ANKRD11: variants seen among roughly 807,000 people sequenced by gnomAD.
ANKRD11 encodes the protein ankyrin repeat domain-containing protein 11.
A neutral mutation model predicts 195.7 loss-of-function variants in ANKRD11; 17 were observed. That is an observed-to-expected ratio of 0.09 (90% CI 0.06 to 0.13). The LOEUF (loss-of-function observed/expected upper bound fraction) is 0.13, where lower values mean the gene tolerates loss of function less well. Ranked by LOEUF, ANKRD11 falls within the 10% of genes least tolerant of loss-of-function variation. The pLI, the probability that ANKRD11 is intolerant of heterozygous loss-of-function variation, is 1.00. For missense variants in ANKRD11, 3,735 were observed against 3,566.1 expected (o/e 1.05, Z -1.21); for synonymous variants, 1,953 against 1,528.1 (o/e 1.28, Z -6.49).
At chr16:89,434,405 G>A (rs372438947) in intron 1 of ANKRD11, among the ~76,000 whole-genome samples, 77 of 152,212 alleles carry the variant, frequency 5.1e-4, no homozygotes, top group African/African-American at 1.7e-3. Context: ...TCTTCTCCAC[G>A]CAAGTCGGAA....
rs2034308616 is a variant in ANKRD11, at chr16:89,282,161, T to C, written c.4381A>G (p.Lys1461Glu). Reference sequence around the variant, plus strand: ...CATTTCTCCCTGTGTTTCTCTCTCTTCTTCTTCTCTTTTAGGATGTTGATG... The same window carrying C: ...CATTTCTCCCTGTGTTTCTCTCTCTCCTTCTTCTCTTTTAGGATGTTGATG... ...SAINILKEKK[K>E]REKHREKWRD... Residue 1461 changes from lysine (K) to glutamate (E), a missense_variant, in exon 9 of 13, where the codon AAG becomes GAG. Physicochemically the swap from Lys to Glu is moderately conservative, Grantham distance 56. Coordinates refer to ENST00000301030, the MANE Select transcript of ANKRD11 (RefSeq NM_013275.6). The C allele has an allele frequency of 6.2e-7, 1 of 1,614,000 alleles. No homozygotes were observed. Among genetic ancestry groups the C allele is most frequent in the Non-Finnish European group, 8.5e-7 (1 of 1,180,002 alleles).
chr16:89,474,460 TAA>T (rs764794916), intron 1 of ANKRD11, among the ~76,000 whole-genome samples: 29 of 142,724 alleles, frequency 2.0e-4, no homozygotes, highest in Admixed American at 2.1e-4. Flanking sequence ...CTACCTTATG[TAA>T]AAAAAAAAAA....
chr16:89,440,023 T>C (rs1206882676), intron 1 of ANKRD11, among the ~76,000 whole-genome samples: 1 of 152,180 alleles, frequency 6.6e-6, no homozygotes, highest in East Asian at 1.9e-4. Flanking sequence ...ACTTGGCTCT[T>C]ATGAGGAAGC....
chr16:89,486,307 G>A (rs8044977), intron 1 of ANKRD11, among the ~76,000 whole-genome samples: 72,130 of 151,668 alleles, frequency 0.48, 17,763 homozygotes, highest in East Asian at 0.66. Context: ...TGGGCACGGC[G>A]GCACATGCCT....
rs1290850810 is a variant in ANKRD11 at position 89,291,290 on chromosome 16, C to G, written c.227-107G>C. ...GGAGCCCCCTGCGTCCACCTGACAG[C>G]TGACAGAGCAGAAAGGAAGGTCTGT... On this transcript the variant is annotated intron_variant, in intron 4 of 12. Transcript: ENST00000301030. The surrounding 1 kb of genome is among the most constrained non-coding windows in gnomAD (Gnocchi z 5.3). The G allele has an allele frequency of 7.2e-7, 1 of 1,386,506 alleles. No individual in the cohort carries two copies. Among genetic ancestry groups the G allele is most frequent in the Admixed American group, 1.9e-5 (1 of 53,150 alleles). The allele number at this position is 1,386,506 out of a possible 1,614,324, so 85.9% of individuals were successfully genotyped here. A position where few individuals can be genotyped will look rare whatever the true frequency, so the allele number is the denominator to read the frequency against.
chr16:89,288,648 G>A lies in ANKRD11; in HGVS notation c.624C>T (p.Ala208=). The change falls in exon 7 of 13, where the codon GCC becomes GCT. Residue 208 remains alanine, a synonymous_variant. Coordinates refer to ENST00000301030, the MANE Select transcript of ANKRD11 (RefSeq NM_013275.6). ...DFAGWTALHE[A]CNRGYYDVAK... Reference sequence around the variant, plus strand: ...CGACGTCGTAGTAGCCCCGGTTACAGGCCTCGTGCAGCGCCGTCCAGCCTG... The same window carrying A: ...CGACGTCGTAGTAGCCCCGGTTACAAGCCTCGTGCAGCGCCGTCCAGCCTG... 1 of 1,614,054 alleles carries A rather than the reference G, an allele frequency of 6.2e-7. No individual in the cohort carries two copies. The highest frequency in any genetic ancestry group is 8.5e-7 in the Non-Finnish European group (1 of 1,180,026).
chr16:89,268,385 G>A lies in ANKRD11; in HGVS notation c.*93C>T, dbSNP rs1232036942. On this transcript the variant is annotated 3_prime_UTR_variant, in exon 13 of 13. Coordinates refer to ENST00000301030, the MANE Select transcript of ANKRD11 (RefSeq NM_013275.6). ...TCTCGGGGTCTCTCCCCGCCCGGGTGGACAGGGCGCTCCCTCCTCCGCCCC... is the reference window on the plus strand; with the variant it reads ...TCTCGGGGTCTCTCCCCGCCCGGGTAGACAGGGCGCTCCCTCCTCCGCCCC... The A allele has an allele frequency of 1.2e-5, 7 of 600,750 alleles. No individual in the cohort carries two copies. Among genetic ancestry groups the A allele is most frequent in the South Asian group, 1.1e-4 (6 of 54,248 alleles). The allele number at this position is 600,750 out of a possible 1,614,324, so 37.2% of individuals were successfully genotyped here. A position where few individuals can be genotyped will look rare whatever the true frequency, so the allele number is the denominator to read the frequency against.
intron 2 of ANKRD11, among the ~76,000 whole-genome samples, chr16:89,378,394 T>A (rs1261732223): frequency 6.6e-6 from 1 of 152,198 alleles, no homozygotes; most frequent in East Asian, 1.9e-4. Context: ...TTCATCAACG[T>A]GTATGTCAAC....
At chr16:89,334,601 G>A (rs913669279) in intron 2 of ANKRD11, among the ~76,000 whole-genome samples, 6 of 152,080 alleles carry the variant, frequency 3.9e-5, no homozygotes, top group African/African-American at 1.4e-4. Context: ...GGGTAGGCCA[G>A]ACCCTGACCC....
intron 2 of ANKRD11, among the ~76,000 whole-genome samples, chr16:89,413,626 A>C (rs980724655): frequency 7.2e-5 from 11 of 152,196 alleles, no homozygotes; most frequent in African/African-American, 2.7e-4. Context: ...GTCTCAAAAA[A>C]AGAAAAAAAT....
chr16:89,428,282 T>C (rs990416404), intron 1 of ANKRD11, among the ~76,000 whole-genome samples: 3 of 151,998 alleles, frequency 2.0e-5, no homozygotes, highest in Non-Finnish European at 2.9e-5. Context: ...TCCCAGCACT[T>C]TGGGAGGCCA....
Position 89,291,321 on chromosome 16 carries a change from G to A in ANKRD11, c.227-138C>T. ...GAGCAGAAAGGAAGGTCTGTGTATG[G>A]GGAAAGCACAGCGGTGCTGGGAGCA... is the stretch of plus-strand genomic sequence containing the variant. On this transcript the variant is annotated intron_variant, in intron 4 of 12. Transcript: ENST00000301030. The surrounding 1 kb of genome is among the most constrained non-coding windows in gnomAD (Gnocchi z 5.3). The A allele has an allele frequency of 1.8e-6, 2 of 1,131,148 alleles. No individual in the cohort carries two copies. Among genetic ancestry groups the A allele is most frequent in the East Asian group, 2.6e-5 (1 of 38,896 alleles). 70.1% of individuals were successfully genotyped at this position (1,131,148 alleles called of 1,614,324 possible). A position where few individuals can be genotyped will look rare whatever the true frequency, so the allele number is the denominator to read the frequency against.
intron 2 of ANKRD11, among the ~76,000 whole-genome samples, chr16:89,415,829 C>CAAACAAAA (rs1343927982): frequency 2.5e-5 from 1 of 39,744 alleles, no homozygotes; most frequent in African/African-American, 9.3e-5. Context: ...GACTCTGTCT[C>CAAACAAAA]AAAAAAAAAA....
intron 1 of ANKRD11, among the ~76,000 whole-genome samples, chr16:89,470,062 C>T (rs578183218): frequency 3.3e-5 from 5 of 151,294 alleles, no homozygotes; most frequent in African/African-American, 7.3e-5. Context: ...CCCGCCACCA[C>T]GCCCGGCTAA....
intron 1 of ANKRD11, chr16:89,443,403 T>C (rs2043621153): frequency 1.3e-5 from 2 of 152,088 alleles, no homozygotes; most frequent in South Asian, 2.1e-4. Flanking sequence ...ACATGCAAAT[T>C]TGTGAAGCAT....
At chr16:89,342,165 G>C (rs149142213) in intron 2 of ANKRD11, among the ~76,000 whole-genome samples, 9 of 152,214 alleles carry the variant, frequency 5.9e-5, no homozygotes, top group African/African-American at 2.2e-4. Context: ...TTGGCGTCTG[G>C]GCCTCAAAGC....
intron 1 of ANKRD11, among the ~76,000 whole-genome samples, chr16:89,464,640 GAAAA>G: frequency 6.8e-6 from 1 of 147,518 alleles, no homozygotes; most frequent in African/African-American, 2.5e-5. Flanking sequence ...AAAAGAAAAA[GAAAA>G]AAAGAAAAGA....
intron 1 of ANKRD11, among the ~76,000 whole-genome samples, chr16:89,477,889 C>T (rs746082529): frequency 1.3e-5 from 2 of 151,566 alleles, no homozygotes; most frequent in Non-Finnish European, 2.9e-5. Flanking sequence ...ACGCAGGAGG[C>T]GAAGGTTTCA....
intron 2 of ANKRD11, among the ~76,000 whole-genome samples, chr16:89,404,073 A>C (rs1275290476): frequency 6.6e-6 from 1 of 152,260 alleles, no homozygotes; most frequent in Non-Finnish European, 1.5e-5. Context: ...CTCTCAGAGC[A>C]AACGCTGCAT....
Sources: allele counts gnomAD v4.1 joint callset (sites outside exome capture counted in the v4.1 genomes callset), GRCh38; gene constraint gnomAD v4.1.1; non-coding constraint Gnocchi (gnomAD v3.1); transcripts MANE v1.5; gene names NCBI Gene and HGNC (gene_info 2026-07-23, HGNC 2026-07-21).